The following MYO1E variants were observed in gnomAD, a reference collection of about 807,000 sequenced individuals.
MYO1E encodes unconventional myosin-Ie.
A neutral mutation model predicts 151.1 loss-of-function variants in MYO1E; 68 were observed. The ratio of observed to expected loss-of-function variants is 0.45; its 90% confidence interval spans 0.37 to 0.55. MYO1E has a LOEUF of 0.55. Ranked by LOEUF, MYO1E falls within the 20% of genes least tolerant of loss-of-function variation. The probability of loss-of-function intolerance (pLI) is 0.00; values close to 1 mark genes in which losing one functional copy is unlikely to be tolerated. For missense variants in MYO1E, 1,363 were observed against 1,389.3 expected (o/e 0.98, Z 0.30); for synonymous variants, 601 against 501.7 (o/e 1.20, Z -2.64).
chr15:59,166,975 G>A (rs1237661323), intron 22 of MYO1E, among the ~76,000 whole-genome samples: 1 of 152,216 alleles, frequency 6.6e-6, no homozygotes, highest in African/African-American at 2.4e-5. Context: ...GGCAGTGACT[G>A]TGCCTCATCC....
chr15:59,298,949 G>A (rs1232228493), intron 1 of MYO1E, among the ~76,000 whole-genome samples: 1 of 152,160 alleles, frequency 6.6e-6, no homozygotes, highest in Non-Finnish European at 1.5e-5. Context: ...TACCTCAGAT[G>A]ACTTTGTTAT....
intron 1 of MYO1E, among the ~76,000 whole-genome samples, chr15:59,318,132 C>T (rs2080600833): frequency 6.6e-6 from 1 of 152,156 alleles, no homozygotes; most frequent in South Asian, 2.1e-4. Context: ...GTGGTCACCA[C>T]ATGTAGGACG....
chr15:59,358,969 C>T (rs2080870279), intron 1 of MYO1E, among the ~76,000 whole-genome samples: 1 of 152,162 alleles, frequency 6.6e-6, no homozygotes, highest in African/African-American at 2.4e-5. Context: ...TAAAGGGTCA[C>T]TTGGGGAGAC....
chr15:59,237,553 G>C (rs1037079719), intron 4 of MYO1E, among the ~76,000 whole-genome samples: 1 of 152,182 alleles, frequency 6.6e-6, no homozygotes, highest in African/African-American at 2.4e-5. Context: ...TACCAGGATA[G>C]AATTAAAGAA....
chr15:59,193,631 G>A (rs918946083), intron 17 of MYO1E, among the ~76,000 whole-genome samples: 3 of 152,118 alleles, frequency 2.0e-5, no homozygotes, highest in South Asian at 2.1e-4. Flanking sequence ...CGGTCACCTC[G>A]AACTAACAGA....
chr15:59,312,245 A>G (rs1319046761), intron 1 of MYO1E, among the ~76,000 whole-genome samples: 1 of 152,190 alleles, frequency 6.6e-6, no homozygotes, highest in African/African-American at 2.4e-5. Flanking sequence ...TCATGCATCA[A>G]TCTGAGCATA....
intron 14 of MYO1E, among the ~76,000 whole-genome samples, chr15:59,206,194 C>A (rs2079832725): frequency 6.6e-6 from 1 of 152,144 alleles, no homozygotes. Context: ...TTTATACTAC[C>A]AGTAGGCATG....
intron 17 of MYO1E, among the ~76,000 whole-genome samples, chr15:59,191,000 G>A (rs551112971): frequency 2.6e-5 from 4 of 152,244 alleles, no homozygotes; most frequent in African/African-American, 7.2e-5. Flanking sequence ...GACAGGAGGA[G>A]GGGGACAGAT....
Position 59,192,040 on chromosome 15 carries a change from G to T in MYO1E, c.1805+3421C>A, listed in dbSNP as rs75887607. Among the ~76,000 whole-genome samples the T allele has an allele frequency of 4.6e-5, 7 of 152,242 alleles. No homozygotes were observed. In the East Asian group the frequency reaches 1.4e-3, roughly 29 times the overall value. On this transcript the variant is annotated intron_variant, in intron 17 of 27. Coordinates refer to ENST00000288235, the MANE Select transcript of MYO1E (RefSeq NM_004998.4). ...GTGGAATGAGTAACCCTCTTTACCA[G>T]GAGCTTCAACTGGGTGTGTAATCCC...
chr15:59,242,104 T>G (rs1009295644), intron 4 of MYO1E, among the ~76,000 whole-genome samples: 3 of 152,156 alleles, frequency 2.0e-5, no homozygotes, highest in Non-Finnish European at 2.9e-5. Context: ...CGTGCTACAT[T>G]TTATATAGAC....
chr15:59,218,407 TGGACATCTCTCCAA>T (rs1433590051), intron 9 of MYO1E: 1 of 456,560 alleles, frequency 2.2e-6, no homozygotes, highest in African/African-American at 2.0e-5. Context: ...ATGCCTAAAA[TGGACATCTCTCCAA>T]GCTTCCAGCA....
At chr15:59,169,153 G>C (rs1314549054) in intron 22 of MYO1E, among the ~76,000 whole-genome samples, 1 of 152,198 alleles carries the variant, frequency 6.6e-6, no homozygotes, top group Non-Finnish European at 1.5e-5. Flanking sequence ...AGCTAGAGAT[G>C]GGCTAAGATC....
intron 18 of MYO1E, among the ~76,000 whole-genome samples, chr15:59,186,523 T>G (rs2079698950): frequency 6.6e-6 from 1 of 152,130 alleles, no homozygotes. Context: ...CCCAACACTT[T>G]GGGAGGTTGA....
At chr15:59,310,263 G>A (rs1323622794) in intron 1 of MYO1E, among the ~76,000 whole-genome samples, 1 of 152,196 alleles carries the variant, frequency 6.6e-6, no homozygotes, top group Non-Finnish European at 1.5e-5. Context: ...ATAAGGTGCA[G>A]CGAAGTGTGT....
At chr15:59,271,927 G>C (rs1227294016) in intron 2 of MYO1E, among the ~76,000 whole-genome samples, 1 of 152,206 alleles carries the variant, frequency 6.6e-6, no homozygotes, top group African/African-American at 2.4e-5. Flanking sequence ...ATGAATACTG[G>C]CTGCATCTTT....
At chr15:59,192,825 T>TTG (rs755706335) in intron 17 of MYO1E, among the ~76,000 whole-genome samples, 40 of 151,932 alleles carry the variant, frequency 2.6e-4, no homozygotes, top group Non-Finnish European at 4.9e-4. Context: ...CACTGTTCTG[T>TTG]TGTGTGTGTG....
chr15:59,207,229 C>T, intron 14 of MYO1E: 4 of 1,614,212 alleles, frequency 2.5e-6, no homozygotes, highest in Non-Finnish European at 3.4e-6. Flanking sequence ...GAGTGATGAA[C>T]TTGCCCTTGT....
At chr15:59,161,360 A>G in intron 23 of MYO1E, 130 bp from the exon 24 acceptor site, 2 of 1,057,580 alleles carry the variant, frequency 1.9e-6, no homozygotes, top group Non-Finnish European at 1.3e-6. Flanking sequence ...CTACACCAGG[A>G]GCAGGGCCCT....
In MYO1E at chr15:59,160,270, T is replaced by A. The variant is rs1264580412; in HGVS notation, c.2785+803A>T. Among the ~76,000 whole-genome samples, 9 of 152,158 alleles carry A rather than the reference T, an allele frequency of 5.9e-5. No homozygotes were observed. The East Asian group carries it at 1.7e-3, about 29-fold the overall frequency. On this transcript the variant is annotated intron_variant, in intron 24 of 27. Transcript: ENST00000288235. Reference sequence around the variant, plus strand: ...GCTGTGTGCTATAGATATAAGTTTATAAATATCAATTATAAATACAAAAAT... The same window carrying A: ...GCTGTGTGCTATAGATATAAGTTTAAAAATATCAATTATAAATACAAAAAT...
Sources: allele counts gnomAD v4.1 joint callset (sites outside exome capture counted in the v4.1 genomes callset), GRCh38; gene constraint gnomAD v4.1.1; transcripts MANE v1.5; gene names NCBI Gene and HGNC (gene_info 2026-07-23, HGNC 2026-07-21).